The following FKBP1B variants were observed in gnomAD, a reference collection of about 807,000 sequenced individuals.
FKBP1B encodes the protein FKBP prolyl isomerase 1B, also known as peptidyl-prolyl cis-trans isomerase FKBP1B.
In FKBP1B, 4 loss-of-function variants were observed where a neutral mutation model predicts 13.5. The ratio of observed to expected loss-of-function variants is 0.30; its 90% CI spans 0.15 to 0.68. The LOEUF (loss-of-function observed/expected upper bound fraction) is 0.68, where lower values mean the gene tolerates loss of function less well. Among genes scored for constraint, FKBP1B ranks in the 30% least tolerant of loss-of-function variants. The pLI, the probability that FKBP1B is intolerant of heterozygous loss-of-function variation, is 0.76. For synonymous variants in FKBP1B, 54 were observed against 53.6 expected, an observed-to-expected ratio of 1.01 and a Z score of -0.03; for missense variants, 93 against 136.2, an observed-to-expected ratio of 0.68 and a Z score of 1.58.
At chr2:24,060,424 C>T (rs1228376047) in intron 2 of FKBP1B, among the ~76,000 whole-genome samples, 7 of 151,920 alleles carry the variant, frequency 4.6e-5, no homozygotes, top group African/African-American at 1.5e-4. Context: ...TGGTGGTGGG[C>T]GCCTGTAATG....
the FKBP1B span, chr2:24,037,565 G>A: frequency 8.1e-7 from 1 of 1,238,832 alleles, no homozygotes; most frequent in East Asian, 2.3e-5. Context: ...AACATGCCCA[G>A]CTTAGTGAAG....
intron 1 of FKBP1B, 76 bp downstream of exon 1, chr2:24,049,962 A>G: frequency 8.2e-7 from 1 of 1,221,788 alleles, no homozygotes. Context: ...TCTGATTCGG[A>G]GGTGGCGTGG....
chr2:24,039,216 GC>G, the FKBP1B span: 2 of 1,614,098 alleles, frequency 1.2e-6, no homozygotes, highest in African/African-American at 2.7e-5. Flanking sequence ...ACTCCATAGG[GC>G]TGGGACACAG....
intron 1 of FKBP1B, among the ~76,000 whole-genome samples, chr2:24,053,246 G>A (rs527272918): frequency 2.0e-3 from 310 of 151,680 alleles, no homozygotes; most frequent in African/African-American, 7.3e-3. Flanking sequence ...TCAGTAGCTG[G>A]GACTATAGGT....
chr2:24,035,743 T>C, the FKBP1B span, among the ~76,000 whole-genome samples: 1 of 150,698 alleles, frequency 6.6e-6, no homozygotes, highest in Admixed American at 6.6e-5. Flanking sequence ...AGCAAGACCT[T>C]GTCTCTATAG....
At chr2:24,038,097 A>C in the FKBP1B span, 2 of 1,614,218 alleles carry the variant, frequency 1.2e-6, no homozygotes, top group South Asian at 2.2e-5. Flanking sequence ...CTGGGGAAAG[A>C]CTTTCAATTA....
At position 24,063,481 on chromosome 2, in the gene FKBP1B, G is replaced by GGCGAC; in HGVS notation, c.*289_*290insGCGAC. 289 of 327,122 alleles carry GGCGAC rather than the reference G, an allele frequency of 8.8e-4. No individual in the cohort carries two copies. The highest frequency in any genetic ancestry group is 5.2e-3 in the South Asian group (50 of 9,612). 20.3% of individuals were successfully genotyped at this position (327,122 alleles called of 1,614,324 possible). ...ATGACAGAACACAGATCTCTTGTTCGCACAATCTACACTGCCTTACCTTCA... is the reference window on the plus strand; with the variant it reads ...ATGACAGAACACAGATCTCTTGTTCGGCGACCACAATCTACACTGCCTTACCTTCA... On this transcript the variant is annotated 3_prime_UTR_variant, in exon 4 of 4. Transcript: ENST00000380986.
intron 1 of FKBP1B, among the ~76,000 whole-genome samples, chr2:24,051,386 G>C (rs1663862709): frequency 6.6e-6 from 1 of 151,652 alleles, no homozygotes; most frequent in Non-Finnish European, 1.5e-5. Context: ...CCCTCAGGCA[G>C]AAGATGTTTT....
chr2:24,043,321 G>A, the FKBP1B span, among the ~76,000 whole-genome samples: 2 of 152,234 alleles, frequency 1.3e-5, no homozygotes, highest in Admixed American at 6.5e-5. Flanking sequence ...GGACAACAGA[G>A]TGAGACTCGG....
rs1046899852 is a variant in FKBP1B at position 24,063,353 on chromosome 2, G to A, written c.*161G>A. The A allele has an allele frequency of 1.3e-5, 8 of 635,900 alleles. No individual in the cohort carries two copies. In the South Asian group the frequency reaches 2.2e-4, roughly 18 times the overall value. 39.4% of individuals were successfully genotyped at this position (635,900 alleles called of 1,614,324 possible). Reference sequence around the variant, plus strand: ...TCTCTGCCCAAGTTGCTCTGTATGTGTTCGTCAGTGTTCATGCGAATTCTT... The same window carrying A: ...TCTCTGCCCAAGTTGCTCTGTATGTATTCGTCAGTGTTCATGCGAATTCTT... On this transcript the variant is annotated 3_prime_UTR_variant, in exon 4 of 4. Coordinates refer to ENST00000380986, the MANE Select transcript of FKBP1B (RefSeq NM_004116.5).
Position 24,063,481 on chromosome 2 carries a change from G to GGCTAC in FKBP1B, c.*289_*290insGCTAC. 9.2e-6 allele frequency: 3 copies of GGCTAC among 327,442 alleles called. No individual in the cohort carries two copies. Among genetic ancestry groups the GGCTAC allele is most frequent in the Non-Finnish European group, 1.1e-5 (2 of 180,812 alleles). 20.3% of individuals were successfully genotyped at this position (327,442 alleles called of 1,614,324 possible). A position where few individuals can be genotyped will look rare whatever the true frequency, so the allele number is the denominator to read the frequency against. On this transcript the variant is annotated 3_prime_UTR_variant, in exon 4 of 4. Transcript: ENST00000380986. ...ATGACAGAACACAGATCTCTTGTTC[G>GGCTAC]CACAATCTACACTGCCTTACCTTCA...
chr2:24,063,032 C>A (rs752229982), intron 3 of FKBP1B, 32 bp from the exon 4 acceptor site: 36 of 1,614,090 alleles, frequency 2.2e-5, no homozygotes, highest in Non-Finnish European at 8.5e-7. Flanking sequence ...GGTCCTCTTT[C>A]TCCTCTCCCC....
chr2:24,036,415 G>A, the FKBP1B span, among the ~76,000 whole-genome samples: 4 of 152,138 alleles, frequency 2.6e-5, no homozygotes, highest in South Asian at 8.3e-4. Flanking sequence ...GCTGAAGCAG[G>A]AGGGTCACTG....
intron 2 of FKBP1B, among the ~76,000 whole-genome samples, chr2:24,059,125 A>G (rs1294093966): frequency 6.6e-6 from 1 of 152,232 alleles, no homozygotes; most frequent in Admixed American, 6.5e-5. Context: ...GTCAAAACCC[A>G]GTCTCTGGAT....
rs560822411 is a variant in FKBP1B at position 24,051,287 on chromosome 2, T to C, written c.37+1401T>C. Among the ~76,000 whole-genome samples, 13 of 151,986 alleles carry C rather than the reference T, an allele frequency of 8.6e-5. No individual in the cohort carries two copies. In the South Asian group the frequency reaches 2.7e-3, roughly 32 times the overall value. On this transcript the variant is annotated intron_variant, in intron 1 of 3. Coordinates refer to ENST00000380986, the MANE Select transcript of FKBP1B (RefSeq NM_004116.5). ...AGCCAGAGGTTGCAGTGAGCTGAGATTGTGCCATTGCACTCCAGCCTGGGT... is the reference window on the plus strand; with the variant it reads ...AGCCAGAGGTTGCAGTGAGCTGAGACTGTGCCATTGCACTCCAGCCTGGGT...
At chr2:24,054,501 C>T in intron 2 of FKBP1B, 1 of 171,980 alleles carries the variant, frequency 5.8e-6, no homozygotes, top group South Asian at 1.9e-4. Context: ...TTCAGGACTG[C>T]TGGCAGGAAG....
At chr2:24,055,339 T>C (rs1664076395) in intron 2 of FKBP1B, among the ~76,000 whole-genome samples, 1 of 152,112 alleles carries the variant, frequency 6.6e-6, no homozygotes, top group Non-Finnish European at 1.5e-5. Context: ...GTGTCCTGAC[T>C]AGCTGGGACC....
Position 24,063,479 on chromosome 2 carries a change from T to TAATGATA in FKBP1B, c.*287_*288insAATGATA. The TAATGATA allele has an allele frequency of 9.1e-6, 3 of 328,394 alleles. No homozygotes were observed. Among genetic ancestry groups the TAATGATA allele is most frequent in the Non-Finnish European group, 1.1e-5 (2 of 181,444 alleles). The allele number at this position is 328,394 out of a possible 1,614,324, so 20.3% of individuals were successfully genotyped here. ...TGATGACAGAACACAGATCTCTTGT[T>TAATGATA]CGCACAATCTACACTGCCTTACCTT... On this transcript the variant is annotated 3_prime_UTR_variant, in exon 4 of 4. Coordinates refer to ENST00000380986, the MANE Select transcript of FKBP1B (RefSeq NM_004116.5).
chr2:24,037,935 CTGGG>C, the FKBP1B span: 2 of 1,614,094 alleles, frequency 1.2e-6, no homozygotes, highest in Non-Finnish European at 1.7e-6. Context: ...GCGATGCTGG[CTGGG>C]TAACAGGCTC....
Sources: gnomAD v4.1 joint callset for allele counts (sites outside exome capture counted in the v4.1 genomes callset) on GRCh38, gnomAD v4.1.1 for gene constraint, MANE v1.5 for transcripts, NCBI Gene and HGNC (gene_info 2026-07-23, HGNC 2026-07-21) for gene names.